The following ATG9A variants were observed in gnomAD, a reference collection of about 807,000 sequenced individuals.
ATG9A encodes the protein autophagy related 9A.
A neutral mutation model predicts 87.1 loss-of-function variants in ATG9A; 21 were observed. That is an observed-to-expected ratio of 0.24 (90% CI 0.17 to 0.35). The LOEUF is 0.35. Ranked by LOEUF, ATG9A falls within the 10% of genes least tolerant of loss-of-function variation. The pLI is 1.00. For missense variants in ATG9A, 836 were observed against 1,107.3 expected (o/e 0.76, Z 3.48); for synonymous variants, 422 against 441.3 (o/e 0.96, Z 0.55).
intron 15 of ATG9A, 102 bp from the exon 16 acceptor site, chr2:219,220,554 T>G (rs1278614146): frequency 6.4e-7 from 1 of 1,556,052 alleles, no homozygotes; most frequent in East Asian, 2.3e-5. Context: ...AAAGGTTGAT[T>G]CCTGGGGAGG....
At chr2:219,225,686 T>A in intron 5 of ATG9A, 114 bp from the exon 6 acceptor site, 1 of 1,194,836 alleles carries the variant, frequency 8.4e-7, no homozygotes, top group Non-Finnish European at 1.2e-6. Context: ...TGGAAGGGCC[T>A]GGAGAACTCC....
intron 4 of ATG9A, 43 bp from the exon 5 acceptor site, chr2:219,226,976 A>C (rs1160439235): frequency 6.5e-7 from 1 of 1,533,776 alleles, no homozygotes; most frequent in Non-Finnish European, 9.0e-7. Flanking sequence ...AAAGCAGGTA[A>C]GAGCACAGAC....
In ATG9A at chr2:219,221,193, G is replaced by A. The variant is rs1442159514; in HGVS notation, c.2255C>T (p.Ala752Val). The change falls in exon 14 of 16, where the codon GCC (alanine) becomes GTC (valine). Residue 752 changes from alanine (A) to valine (V), a missense_variant. Transcript: ENST00000361242. Reference protein sequence around the residue: ...APDEGGEGARAPQSIPRSASY... With the variant: ...APDEGGEGARVPQSIPRSASY... ...AGCAGAGCGAGGGATAGACTGGGGGGCCCGGGCGCCCTCTCCCCCTTCATC... is the reference window on the plus strand; with the variant it reads ...AGCAGAGCGAGGGATAGACTGGGGGACCCGGGCGCCCTCTCCCCCTTCATC... The A allele has an allele frequency of 4.4e-6, 7 of 1,593,610 alleles. No homozygotes were observed. Among genetic ancestry groups the A allele is most frequent in the South Asian group, 3.4e-5 (3 of 88,278 alleles).
chr2:219,220,215 T>G lies in ATG9A; in HGVS notation c.*232A>C. The G allele has an allele frequency of 2.0e-5, 11 of 537,612 alleles. No individual in the cohort carries two copies. The highest frequency in any genetic ancestry group is 5.0e-4 in the Middle Eastern group (1 of 2,006). 33.3% of individuals were successfully genotyped at this position (537,612 alleles called of 1,614,324 possible). ...AGCACCACACTCTGAGCCAAGGGGGTCCTGGGGATGAGGCTAGAGTCCCGT... is the reference window on the plus strand; with the variant it reads ...AGCACCACACTCTGAGCCAAGGGGGGCCTGGGGATGAGGCTAGAGTCCCGT... On this transcript the variant is annotated 3_prime_UTR_variant, in exon 16 of 16. Coordinates refer to ENST00000361242, the MANE Select transcript of ATG9A (RefSeq NM_001077198.3).
In ATG9A at chr2:219,224,633, A is replaced by G. The variant is rs1950825413; in HGVS notation, c.738T>C (p.Gly246=). Residue 246 remains glycine, a synonymous_variant, in exon 8 of 16, where the codon GGT becomes GGC. Coordinates refer to ENST00000361242, the MANE Select transcript of ATG9A (RefSeq NM_001077198.3). This position sits in a 1 kb window ranked among gnomAD's most constrained non-coding sequence, Gnocchi z 7.7. The part of the protein sequence containing the change: ...GLGEAVFFTR[G]LKYNFELILF... ...GGATCAGCTCAAAGTTGTACTTGAG[A>G]CCACGGGTGAAGAAGACAGCTTCCC... is the stretch of plus-strand genomic sequence containing the variant. The G allele has an allele frequency of 6.2e-7, 1 of 1,614,200 alleles. No homozygotes were observed.
Position 219,222,396 on chromosome 2 carries a change from G to C in ATG9A, c.1903C>G (p.Leu635Val), listed in dbSNP as rs1460492877. 1.9e-6 allele frequency: 3 copies of C among 1,598,110 alleles called. No individual in the cohort carries two copies. Among genetic ancestry groups the C allele is most frequent in the Non-Finnish European group, 2.6e-6 (3 of 1,172,324 alleles). ...CTGGAGCCCTGCAGGTCTCTGGGCA[G>C]TGGAGGGCCCCGGCAGGATGAGCCA... ...VAGSSCRGPP[L>V]PRDLQGSRHR... Residue 635 changes from leucine (L) to valine (V), a missense_variant, in exon 12 of 16, where the codon CTG becomes GTG. By Grantham distance (32) the Leu-to-Val change is conservative (BLOSUM62 1). This residue lies in a region of ATG9A where 324 missense variants were observed against 347.6 expected (regional missense o/e 0.93). Transcript: ENST00000361242. This position sits in a 1 kb window ranked among gnomAD's most constrained non-coding sequence, Gnocchi z 4.3.
Position 219,222,185 on chromosome 2 carries a change from G to C in ATG9A, c.2028-18C>G. 1 of 1,613,624 alleles carries C rather than the reference G, an allele frequency of 6.2e-7. No individual in the cohort carries two copies. The highest frequency in any genetic ancestry group is 8.5e-7 in the Non-Finnish European group (1 of 1,179,802). ...CATCCACCCTGTCTCTCCCAACAGAGACAGACAGCAGCTGTGAACTTCTCT... is the reference window on the plus strand; with the variant it reads ...CATCCACCCTGTCTCTCCCAACAGACACAGACAGCAGCTGTGAACTTCTCT... On this transcript the variant is annotated intron_variant, in intron 12 of 15. Transcript: ENST00000361242. This position sits in a 1 kb window ranked among gnomAD's most constrained non-coding sequence, Gnocchi z 4.3.
Position 219,225,150 on chromosome 2 carries a change from C to T in ATG9A, c.437G>A (p.Arg146Gln), listed in dbSNP as rs115595838. The change falls in exon 7 of 16, where the codon CGG becomes CAG. Residue 146 changes from arginine to glutamine, a missense_variant. Coordinates refer to ENST00000361242, the MANE Select transcript of ATG9A (RefSeq NM_001077198.3). ...LVIAGVFWIH[R>Q]LIKFIYNICC... is the part of the protein sequence containing the mutation. ...AATGTTATAGATGAACTTGATAAGC[C>T]GGTGGATCCAGAAGACACCAGCAAT... The T allele has an allele frequency of 2.2e-5, 36 of 1,614,064 alleles. No homozygotes were observed. The Admixed American group carries it at 3.2e-4, about 14-fold the overall frequency.
rs1232768462 is a variant in ATG9A, at chr2:219,222,416, G to A, written c.1883C>T (p.Ser628Leu). ...LSLIANVVAGSSCRGPPLPRD... is the reference protein window; with the variant it reads ...LSLIANVVAGLSCRGPPLPRD... ...GGGCAGTGGAGGGCCCCGGCAGGAT[G>A]AGCCAGCTACCACATTTGCGATAAG... The change falls in exon 12 of 16, where the codon TCA (serine) becomes TTA (leucine). Residue 628 changes from serine (S) to leucine (L), a missense_variant. By Grantham distance (145) the Ser-to-Leu change is moderately radical. This residue lies in a region of ATG9A where 324 missense variants were observed against 347.6 expected (regional missense o/e 0.93). Coordinates refer to ENST00000361242, the MANE Select transcript of ATG9A (RefSeq NM_001077198.3). This position sits in a 1 kb window ranked among gnomAD's most constrained non-coding sequence, Gnocchi z 4.3. The A allele has an allele frequency of 1.3e-5, 20 of 1,580,118 alleles. No homozygotes were observed. The highest frequency in any genetic ancestry group is 1.7e-5 in the Non-Finnish European group (20 of 1,164,010).
rs1334204811 is a variant in ATG9A at position 219,222,631 on chromosome 2, C to T, written c.1848+14G>A. The T allele has an allele frequency of 1.2e-6, 2 of 1,612,636 alleles. No individual in the cohort carries two copies. The highest frequency in any genetic ancestry group is 1.1e-5 in the South Asian group (1 of 90,972). On this transcript the variant is annotated intron_variant, in intron 11 of 15. Transcript: ENST00000361242. The surrounding 1 kb of genome is among the most constrained non-coding windows in gnomAD (Gnocchi z 4.3). ...TCCACTCTGCCCATCATCTCCCAGT[C>T]ACCAGGAACACACCTCAGACTCAGA...
In ATG9A at chr2:219,220,467, G is replaced by A. The variant is rs1950727626; in HGVS notation, c.2515-15C>T. Reference sequence around the variant, plus strand: ...CTTGTCTATACCTGTGGGGAGAAAGGGTTGGTAATGGAGATAGTCTTCAGC... The same window carrying A: ...CTTGTCTATACCTGTGGGGAGAAAGAGTTGGTAATGGAGATAGTCTTCAGC... On this transcript the variant is annotated splice_polypyrimidine_tract_variant and intron_variant, in intron 15 of 15. Transcript: ENST00000361242. 1 of 1,613,736 alleles carries A rather than the reference G, an allele frequency of 6.2e-7. No homozygotes were observed. The highest frequency in any genetic ancestry group is 1.1e-5 in the South Asian group (1 of 91,070).
rs188100852 is a variant in ATG9A at position 219,220,646 on chromosome 2, C to G, written c.2514+101G>C. ...TTTTGGAAGGGAGGGTACAGTATCT[C>G]TGTGTGGGGGTGGGGCATATCTTCC... On this transcript the variant is annotated intron_variant, in intron 15 of 15. Transcript: ENST00000361242. The G allele has an allele frequency of 3.0e-5, 45 of 1,518,872 alleles. No homozygotes were observed. In the African/African-American group the frequency reaches 4.3e-4, roughly 14 times the overall value. The allele number at this position is 1,518,872 out of a possible 1,614,324, so 94.1% of individuals were successfully genotyped here. A position where few individuals can be genotyped will look rare whatever the true frequency, so the allele number is the denominator to read the frequency against.
intron 13 of ATG9A, among the ~76,000 whole-genome samples, chr2:219,221,772 G>C (rs1395843474): frequency 2.0e-5 from 3 of 152,160 alleles, no homozygotes; most frequent in East Asian, 1.9e-4. Flanking sequence ...GCCTTTTACT[G>C]AGAGTGATCA....
chr2:219,225,463 C>G lies in ATG9A; in HGVS notation c.322G>C (p.Val108Leu). Residue 108 changes from valine (V) to leucine (L), a missense_variant, in exon 6 of 16, where the codon GTC (valine) becomes CTC (leucine). Physicochemically the swap from Val to Leu is conservative, Grantham distance 32 (BLOSUM62 1). This residue lies in a region of ATG9A where 512 missense variants were observed against 759.6 expected (regional missense o/e 0.67). Transcript: ENST00000361242. ...AAGGCGTCTGGCAGAGTGACCTTGA[C>G]GGGTTCAGTAGGGTGAAGACTGTGG... Reference protein sequence around the residue: ...VNHSLHPTEPVKVTLPDAFLP... With the variant: ...VNHSLHPTEPLKVTLPDAFLP... 1 of 1,614,152 alleles carries G rather than the reference C, an allele frequency of 6.2e-7. No individual in the cohort carries two copies. The highest frequency in any genetic ancestry group is 8.5e-7 in the Non-Finnish European group (1 of 1,180,032).
Position 219,229,106 on chromosome 2 carries a change from CCACTCACAGGGT to C in ATG9A, c.-82+417_-82+428del, listed in dbSNP as rs1223804359. ...AGAGCCCTGCCCCTCAGGGAAGTCA[CCACTCACAGGGT>C]CAGTGTGGACCAGGGCCCGTGGAGC... On this transcript the variant is annotated intron_variant, in intron 1 of 15. Coordinates refer to ENST00000361242, the MANE Select transcript of ATG9A (RefSeq NM_001077198.3). This position sits in a 1 kb window ranked among gnomAD's most constrained non-coding sequence, Gnocchi z 4.2. 5 of 152,208 alleles carry C rather than the reference CCACTCACAGGGT, an allele frequency of 3.3e-5. No homozygotes were observed. The highest frequency in any genetic ancestry group is 1.2e-4 in the African/African-American group (5 of 41,444). The allele number at this position is 152,208 out of a possible 1,614,324, so 9.4% of individuals were successfully genotyped here.
intron 5 of ATG9A, among the ~76,000 whole-genome samples, chr2:219,226,204 A>G (rs1950856987): frequency 6.6e-6 from 1 of 151,834 alleles, no homozygotes; most frequent in African/African-American, 2.4e-5. Context: ...TCCACCTCCC[A>G]GGTTGAAGCG....
rs778701911 is a variant in ATG9A, at chr2:219,222,181, CAG to C, written c.2028-16_2028-15del. ...CTGGCATCCACCCTGTCTCTCCCAA[CAG>C]AGACAGACAGCAGCTGTGAACTTCT... On this transcript the variant is annotated splice_polypyrimidine_tract_variant and intron_variant, in intron 12 of 15. Coordinates refer to ENST00000361242, the MANE Select transcript of ATG9A (RefSeq NM_001077198.3). The surrounding 1 kb of genome is among the most constrained non-coding windows in gnomAD (Gnocchi z 4.3). 24 of 1,613,182 alleles carry C rather than the reference CAG, an allele frequency of 1.5e-5. No homozygotes were observed. Among genetic ancestry groups the C allele is most frequent in the East Asian group, 2.2e-5 (1 of 44,882 alleles).
In ATG9A at chr2:219,226,890, A is replaced by G; in HGVS notation, c.191T>C (p.Ile64Thr). Residue 64 changes from isoleucine (I) to threonine (T), a missense_variant, in exon 5 of 16, where the codon ATC becomes ACC. This residue lies in a region of ATG9A where 512 missense variants were observed against 759.6 expected (regional missense o/e 0.67). Transcript: ENST00000361242. ...HQKNGFTCML[I>T]GEIFELMQFL... is the part of the protein sequence containing the mutation. ...TTACATGAGCTCAAAGATCTCCCCGATGAGCATACATGTGAAGCCATTCTT... is the reference window on the plus strand; with the variant it reads ...TTACATGAGCTCAAAGATCTCCCCGGTGAGCATACATGTGAAGCCATTCTT... The G allele has an allele frequency of 1.2e-6, 2 of 1,613,558 alleles. No homozygotes were observed. Among genetic ancestry groups the G allele is most frequent in the East Asian group, 2.2e-5 (1 of 44,892 alleles).
rs1463472329 is a variant in ATG9A, at chr2:219,224,978, A to G, written c.516+93T>C. 24 of 1,578,650 alleles carry G rather than the reference A, an allele frequency of 1.5e-5. No individual in the cohort carries two copies. The highest frequency in any genetic ancestry group is 1.8e-4 in the Middle Eastern group (1 of 5,536). ...TTAAGAGACAGTTCCTGATTTGTCAATGACAGATAAGGATAACTGATGCCC... is the reference window on the plus strand; with the variant it reads ...TTAAGAGACAGTTCCTGATTTGTCAGTGACAGATAAGGATAACTGATGCCC... On this transcript the variant is annotated intron_variant, in intron 7 of 15. Coordinates refer to ENST00000361242, the MANE Select transcript of ATG9A (RefSeq NM_001077198.3). The surrounding 1 kb of genome is among the most constrained non-coding windows in gnomAD (Gnocchi z 7.7).
Sources: gnomAD v4.1 joint callset for allele counts (sites outside exome capture counted in the v4.1 genomes callset) on GRCh38, gnomAD v4.1.1 for gene constraint, gnomAD v4.1.1 regional missense constraint, Gnocchi (gnomAD v3.1) non-coding constraint, MANE v1.5 for transcripts, NCBI Gene and HGNC (gene_info 2026-07-23, HGNC 2026-07-21) for gene names.